EEA1: variants seen among roughly 807,000 people sequenced by gnomAD.
The protein encoded by EEA1 is early endosome antigen 1.
EEA1 carries 111 observed loss-of-function variants against 209.2 expected under a neutral mutation model. That is an observed-to-expected ratio of 0.53 (90% confidence interval 0.45 to 0.62). EEA1 has a LOEUF of 0.62. EEA1 is among the 20% of genes least tolerant of loss of function. EEA1 has a pLI of 0.00. For synonymous variants in EEA1, 536 were observed against 540.6 expected, an observed-to-expected ratio of 0.99 and a Z score of 0.12; for missense variants, 1,343 against 1,530.8, an observed-to-expected ratio of 0.88 and a Z score of 2.05.
chr12:92,928,154 A>T (rs1881280103), intron 1 of EEA1, among the ~76,000 whole-genome samples: 1 of 149,518 alleles, frequency 6.7e-6, no homozygotes, highest in Non-Finnish European at 1.5e-5. Context: ...AAAAGAAAAA[A>T]GCTATACCAA....
Position 92,832,577 on chromosome 12 carries a change from G to C in EEA1, c.1189C>G (p.Gln397Glu), listed in dbSNP as rs1876705179. 6.2e-7 allele frequency: 1 copy of C among 1,614,026 alleles called. No individual in the cohort carries two copies. Among genetic ancestry groups the C allele is most frequent in the Non-Finnish European group, 8.5e-7 (1 of 1,179,984 alleles). The part of the protein sequence containing the change: ...KYQHLKAEFK[Q>E]LQQQREEKEQ... Reference sequence around the variant, plus strand: ...TTTTCTTCTCTCTGTTGTTGTAGCTGCTTAAACTCCGCCTTTAGATGCTGG... The same window carrying C: ...TTTTCTTCTCTCTGTTGTTGTAGCTCCTTAAACTCCGCCTTTAGATGCTGG... Residue 397 changes from glutamine to glutamate, a missense_variant, in exon 11 of 29, where the codon CAG becomes GAG. Transcript: ENST00000322349.
chr12:92,896,388 G>A (rs1879888511), intron 1 of EEA1, among the ~76,000 whole-genome samples: 1 of 152,166 alleles, frequency 6.6e-6, no homozygotes, highest in Non-Finnish European at 1.5e-5. Context: ...TGTGAACACT[G>A]TTGAAATGAC....
rs1163277543 is a variant in EEA1 at position 92,857,371 on chromosome 12, T to C, written c.301-31A>G. ...AAAAAAGATTTTTAATTAGTAAATTTAAAAAGAGGTATTATCTGAAACACT... is the reference window on the plus strand; with the variant it reads ...AAAAAAGATTTTTAATTAGTAAATTCAAAAAGAGGTATTATCTGAAACACT... On this transcript the variant is annotated intron_variant, in intron 4 of 28. Transcript: ENST00000322349. 3.2e-6 allele frequency: 5 copies of C among 1,561,680 alleles called. No individual in the cohort carries two copies. In the East Asian group the frequency reaches 1.1e-4, roughly 35 times the overall value.
rs146551480 is a variant in EEA1, at chr12:92,816,345, T to C, written c.1784A>G (p.Gln595Arg). The change falls in exon 15 of 29, where the codon CAG (glutamine) becomes CGG (arginine). Residue 595 changes from glutamine to arginine, a missense_variant. Gln to Arg is a conservative substitution (Grantham distance 43, BLOSUM62 1). Around this residue, in one of 3 missense-constraint regions of EEA1, gnomAD observed 1,307 missense variants for 1,465.5 expected, o/e 0.89. Transcript: ENST00000322349. Reference protein sequence around the residue: ...KNQSESHKQAQENLHDQVQEQ... With the variant: ...KNQSESHKQARENLHDQVQEQ... The stretch of plus-strand genomic sequence containing the variant: ...TTGTACCTGGTCATGCAAATTCTCC[T>C]GGGCTTGTTTATGACTTTCTGACTG... The C allele has an allele frequency of 1.2e-6, 2 of 1,614,026 alleles. No homozygotes were observed. Among genetic ancestry groups the C allele is most frequent in the South Asian group, 1.1e-5 (1 of 91,082 alleles).
At chr12:92,789,736 C>T (rs755028883) in intron 21 of EEA1, among the ~76,000 whole-genome samples, 3 of 152,204 alleles carry the variant, frequency 2.0e-5, no homozygotes. Flanking sequence ...CAGACTTAAA[C>T]GTCCCTGTCT....
rs11323932 is a variant in EEA1, at chr12:92,850,689, CAAAAAAAAAAAA to C, written c.798+410_798+421del. 6.4e-3 allele frequency among the ~76,000 whole-genome samples: 302 copies of C among 46,948 alleles called. 5 individuals are homozygous for C. The Middle Eastern group carries it at 0.091, about 14-fold the overall frequency. 30.8% of individuals were successfully genotyped at this position (46,948 alleles called of 152,430 possible). A position where few individuals can be genotyped will look rare whatever the true frequency, so the allele number is the denominator to read the frequency against. Reference sequence around the variant, plus strand: ...TGGGTGACAGAGCAAGACTTTGTCTCAAAAAAAAAAAAAAAAAAAAAAAAAAAGAAATAAGCT... The same window carrying C: ...TGGGTGACAGAGCAAGACTTTGTCTCAAAAAAAAAAAAAAAGAAATAAGCT... On this transcript the variant is annotated intron_variant, in intron 9 of 28. Coordinates refer to ENST00000322349, the MANE Select transcript of EEA1 (RefSeq NM_003566.4).
intron 10 of EEA1, among the ~76,000 whole-genome samples, chr12:92,834,701 G>GA (rs1349711761): frequency 6.6e-6 from 1 of 151,914 alleles, no homozygotes; most frequent in Non-Finnish European, 1.5e-5. Flanking sequence ...ATAGAGCCAA[G>GA]AAAATCACAG....
rs1284913783 is a variant in EEA1 at position 92,835,465 on chromosome 12, G to A, written c.916-2615C>T. On this transcript the variant is annotated intron_variant, in intron 10 of 28. Coordinates refer to ENST00000322349, the MANE Select transcript of EEA1 (RefSeq NM_003566.4). ...CTCGCTCTGTCGCCCAGGTGGGAGTGCAGTGGCACAATATTGGCTCACTGC... is the reference window on the plus strand; with the variant it reads ...CTCGCTCTGTCGCCCAGGTGGGAGTACAGTGGCACAATATTGGCTCACTGC... 2.2e-5 allele frequency: 6 copies of A among 266,810 alleles called. No individual in the cohort carries two copies. The Admixed American group carries it at 2.3e-4, about 10-fold the overall frequency. 16.5% of individuals were successfully genotyped at this position (266,810 alleles called of 1,614,324 possible). A position where few individuals can be genotyped will look rare whatever the true frequency, so the allele number is the denominator to read the frequency against.
Position 92,832,510 on chromosome 12 carries a change from A to T in EEA1, c.1254+2T>A. The T allele has an allele frequency of 6.2e-7, 1 of 1,603,076 alleles. No individual in the cohort carries two copies. Among genetic ancestry groups the T allele is most frequent in the Non-Finnish European group, 8.5e-7 (1 of 1,175,896 alleles). On this transcript the variant is annotated splice_donor_variant, in intron 11 of 28. Transcript: ENST00000322349. LOFTEE classifies it high-confidence loss of function. ...ACAATAAATAAAATTAACAGCTCTT[A>T]CTTGATTAATTTCACTTTGGAGTTG...
At chr12:92,851,715 T>G (rs1321359778) in intron 8 of EEA1, among the ~76,000 whole-genome samples, 2 of 152,152 alleles carry the variant, frequency 1.3e-5, no homozygotes, top group African/African-American at 4.8e-5. Context: ...CAAGGACAGA[T>G]CCAAGATTAT....
chr12:92,880,660 A>G (rs1477727468), intron 2 of EEA1, among the ~76,000 whole-genome samples: 1 of 152,108 alleles, frequency 6.6e-6, no homozygotes, highest in Non-Finnish European at 1.5e-5. Flanking sequence ...TATTTTTAGT[A>G]GAGACGGGGT....
chr12:92,904,697 A>G (rs1184004706), intron 1 of EEA1, among the ~76,000 whole-genome samples: 1 of 152,206 alleles, frequency 6.6e-6, no homozygotes, highest in Non-Finnish European at 1.5e-5. Context: ...GAACTCAGGG[A>G]AACATTTTAC....
At chr12:92,861,527 T>C (rs1008697623) in intron 3 of EEA1, among the ~76,000 whole-genome samples, 1 of 152,200 alleles carries the variant, frequency 6.6e-6, no homozygotes, top group Non-Finnish European at 1.5e-5. Context: ...CCTACAGATA[T>C]ACTCAAACAA....
chr12:92,893,853 CCT>C (rs1491275371), intron 1 of EEA1, among the ~76,000 whole-genome samples: 1 of 151,836 alleles, frequency 6.6e-6, no homozygotes, highest in Non-Finnish European at 1.5e-5. Context: ...AGCCAGCATT[CCT>C]TTTTTTTTCC....
intron 1 of EEA1, among the ~76,000 whole-genome samples, chr12:92,923,699 ATTAT>A (rs1270353553): frequency 1.3e-5 from 2 of 151,426 alleles, no homozygotes; most frequent in Non-Finnish European, 2.9e-5. Context: ...TTGTTTTGTA[ATTAT>A]TTATCTGTCT....
intron 5 of EEA1, among the ~76,000 whole-genome samples, chr12:92,855,181 G>A (rs1241548061): frequency 6.6e-6 from 1 of 152,174 alleles, no homozygotes; most frequent in African/African-American, 2.4e-5. Context: ...TGTAATCCCA[G>A]CACTTTGGGA....
chr12:92,802,769 CAT>C, intron 18 of EEA1, 35 bp from the exon 19 acceptor site: 1 of 1,415,384 alleles, frequency 7.1e-7, no homozygotes, highest in Non-Finnish European at 9.4e-7. Context: ...TTAAATAACA[CAT>C]AATTTACCAC....
At chr12:92,852,103 T>C (rs1442946516) in intron 8 of EEA1, 72 bp downstream of exon 8, 1 of 1,223,746 alleles carries the variant, frequency 8.2e-7, no homozygotes, top group Non-Finnish European at 1.1e-6. Flanking sequence ...AACATTTTCC[T>C]TCAGGGTATG....
chr12:92,825,414 A>G (rs916372476), intron 13 of EEA1, among the ~76,000 whole-genome samples: 9 of 151,606 alleles, frequency 5.9e-5, no homozygotes, highest in African/African-American at 2.2e-4. Context: ...AGATAGCGCC[A>G]CTGCACTCCA....
Sources: gnomAD v4.1 joint callset for allele counts (sites outside exome capture counted in the v4.1 genomes callset) on GRCh38, gnomAD v4.1.1 for gene constraint, gnomAD v4.1.1 regional missense constraint, MANE v1.5 for transcripts, NCBI Gene and HGNC (gene_info 2026-07-23, HGNC 2026-07-21) for gene names.